The following POU2F1 variants were observed in gnomAD, a reference collection of about 807,000 sequenced individuals.
The protein encoded by POU2F1 is POU class 2 homeobox 1, also known as POU domain, class 2, transcription factor 1.
A neutral mutation model predicts 84.9 loss-of-function variants in POU2F1; 16 were observed. The ratio of observed to expected loss-of-function variants is 0.19; its 90% CI spans 0.13 to 0.29. The LOEUF is 0.29. POU2F1 is among the 10% of genes least tolerant of loss of function. The pLI is 1.00. For missense variants in POU2F1, 738 were observed against 942.6 expected (o/e 0.78, Z 2.84); for synonymous variants, 368 against 368.3 (o/e 1.00, Z 0.01).
intron 1 of POU2F1, among the ~76,000 whole-genome samples, chr1:167,232,988 G>T (rs1415765073): frequency 6.6e-6 from 1 of 151,834 alleles, no homozygotes; most frequent in African/African-American, 2.4e-5. Flanking sequence ...CTTCATATTC[G>T]CTCACTCGTC....
At chr1:167,245,237 A>C (rs1041498304) in intron 1 of POU2F1, among the ~76,000 whole-genome samples, 1 of 151,622 alleles carries the variant, frequency 6.6e-6, no homozygotes, top group Non-Finnish European at 1.5e-5. Context: ...TATGTGACTC[A>C]AATTTCTTTT....
intron 3 of POU2F1, among the ~76,000 whole-genome samples, chr1:167,369,822 G>T (rs1659897397): frequency 6.6e-6 from 1 of 152,140 alleles, no homozygotes; most frequent in African/African-American, 2.4e-5. Context: ...AATGTGGAAG[G>T]TTAATTAAAT....
intron 1 of POU2F1, among the ~76,000 whole-genome samples, chr1:167,236,009 G>A (rs1649424189): frequency 6.6e-6 from 1 of 152,074 alleles, no homozygotes; most frequent in South Asian, 2.1e-4. Flanking sequence ...AATAGTGTCA[G>A]TTTCTCCTGC....
At chr1:167,338,244 TC>T (rs1225749083) in intron 2 of POU2F1, 1 of 462,758 alleles carries the variant, frequency 2.2e-6, no homozygotes, top group South Asian at 1.5e-5. Context: ...ATGATCCACT[TC>T]CACTTAATGA....
intron 1 of POU2F1, among the ~76,000 whole-genome samples, chr1:167,281,976 T>C (rs1288139774): frequency 6.6e-6 from 1 of 152,144 alleles, no homozygotes; most frequent in Non-Finnish European, 1.5e-5. Flanking sequence ...CAAGGCTTCC[T>C]TCTTTATATT....
At chr1:167,329,105 G>A (rs1203569360) in intron 1 of POU2F1, 82 of 1,318,860 alleles carry the variant, frequency 6.2e-5, no homozygotes, top group Non-Finnish European at 8.0e-5. Flanking sequence ...TGTAACAGAA[G>A]TTGTATTTTG....
In POU2F1 at chr1:167,426,836, G is replaced by A. The variant is rs1057221257; in HGVS notation, c.*11026G>A. The A allele has an allele frequency of 2.6e-5, 4 of 152,120 alleles. No homozygotes were observed. The highest frequency in any genetic ancestry group is 9.7e-5 in the African/African-American group (4 of 41,410). The allele number at this position is 152,120 out of a possible 1,614,324, so 9.4% of individuals were successfully genotyped here. On this transcript the variant is annotated 3_prime_UTR_variant, in exon 16 of 16. Transcript: ENST00000367866. ...GTGACAATTCTGAGGTGGTTTATTG[G>A]GAGTCCTTCTACATTTCTCTTAGAT...
chr1:167,268,024 G>T (rs963578836), intron 1 of POU2F1, among the ~76,000 whole-genome samples: 2 of 152,104 alleles, frequency 1.3e-5, no homozygotes, highest in African/African-American at 4.8e-5. Context: ...GGTGGCGCTG[G>T]TGGTTTTGTG....
At chr1:167,335,669 A>G (rs1657398922) in intron 2 of POU2F1, among the ~76,000 whole-genome samples, 1 of 152,240 alleles carries the variant, frequency 6.6e-6, no homozygotes, top group South Asian at 2.1e-4. Context: ...GAAGGCAGGG[A>G]TAATAGTAAT....
At chr1:167,237,889 C>T (rs891550929) in intron 1 of POU2F1, among the ~76,000 whole-genome samples, 1 of 146,652 alleles carries the variant, frequency 6.8e-6, no homozygotes, top group Non-Finnish European at 1.5e-5. Flanking sequence ...AAGCGATTCT[C>T]CTGCTTCAGC....
In POU2F1 at chr1:167,230,746, A is replaced by C. The variant is rs531604004; in HGVS notation, c.61+9788A>C. 2.0e-5 allele frequency among the ~76,000 whole-genome samples: 3 copies of C among 152,304 alleles called. No individual in the cohort carries two copies. In the South Asian group the frequency reaches 6.2e-4, roughly 32 times the overall value. On this transcript the variant is annotated intron_variant, in intron 1 of 15. Coordinates refer to ENST00000367866, the MANE Select transcript of POU2F1 (RefSeq NM_002697.4). ...ACAGTCCTATTTTCTTCTCTAATTG[A>C]TTATGTAAGTAAATCTTGTCCTAAG... is the stretch of plus-strand genomic sequence containing the variant.
intron 2 of POU2F1, among the ~76,000 whole-genome samples, chr1:167,350,526 C>T (rs7355118): frequency 0.83 from 126,547 of 152,020 alleles, 53,166 homozygotes; most frequent in African/African-American, 0.94. Context: ...TTTTTTTTCT[C>T]TTTAAAGTGT....
chr1:167,385,499 T>G (rs1451175909), intron 8 of POU2F1, among the ~76,000 whole-genome samples: 2 of 151,958 alleles, frequency 1.3e-5, no homozygotes, highest in Middle Eastern at 3.4e-3. Context: ...GAATAGAAGG[T>G]CCAGTAGATC....
chr1:167,265,289 G>C (rs1651863004), intron 1 of POU2F1, among the ~76,000 whole-genome samples: 1 of 152,166 alleles, frequency 6.6e-6, no homozygotes, highest in Non-Finnish European at 1.5e-5. Context: ...AGAAGCAGGG[G>C]ATTCAAGATA....
chr1:167,360,874 C>T (rs1246981609), intron 2 of POU2F1, among the ~76,000 whole-genome samples: 1 of 152,072 alleles, frequency 6.6e-6, no homozygotes, highest in Non-Finnish European at 1.5e-5. Context: ...TTTCTTTTAA[C>T]AGTGTTTTAT....
rs549851433 is a variant in POU2F1, at chr1:167,332,485, A to G, written c.77A>G (p.Asn26Ser). The change falls in exon 2 of 16, where the codon AAT becomes AGT. Residue 26 changes from asparagine (N) to serine (S), a missense_variant. Transcript: ENST00000367866. Reference sequence around the variant, plus strand: ...TTTATTGCAGACTCAAGAATGAACAATCCGTCAGAAACCAGTAAACCATCT... The same window carrying G: ...TTTATTGCAGACTCAAGAATGAACAGTCCGTCAGAAACCAGTAAACCATCT... ...AAAAADSRMN[N>S]PSETSKPSME... 10 of 1,610,172 alleles carry G rather than the reference A, an allele frequency of 6.2e-6. No homozygotes were observed. In the East Asian group the frequency reaches 1.6e-4, roughly 25 times the overall value.
chr1:167,353,941 A>C (rs1658764544), intron 2 of POU2F1, among the ~76,000 whole-genome samples: 1 of 152,198 alleles, frequency 6.6e-6, no homozygotes, highest in African/African-American at 2.4e-5. Flanking sequence ...TTTTCACTCA[A>C]AATATTTTTC....
chr1:167,387,091 T>C (rs1205757176), intron 8 of POU2F1: 14 of 447,216 alleles, frequency 3.1e-5, no homozygotes, highest in Non-Finnish European at 6.3e-5. Flanking sequence ...CAGAGACTTC[T>C]TCCTGGCCTC....
intron 13 of POU2F1, among the ~76,000 whole-genome samples, chr1:167,411,400 A>G (rs1649956270): frequency 6.8e-6 from 1 of 147,578 alleles, no homozygotes; most frequent in Non-Finnish European, 1.5e-5. Flanking sequence ...GTATCATTGT[A>G]TGTTGTTTTT....
Sources: allele counts gnomAD v4.1 joint callset (sites outside exome capture counted in the v4.1 genomes callset), GRCh38; gene constraint gnomAD v4.1.1; transcripts MANE v1.5; gene names NCBI Gene and HGNC (gene_info 2026-07-23, HGNC 2026-07-21).